Variants in RBMS1 observed in about 807,000 individuals in gnomAD.
RBMS1 encodes the protein RNA binding motif single stranded interacting protein 1.
Under a neutral mutation model 62.3 loss-of-function variants are expected in RBMS1, and 17 were observed. The ratio of observed to expected loss-of-function variants is 0.27; its 90% CI spans 0.19 to 0.41. The LOEUF (loss-of-function observed/expected upper bound fraction) is 0.41, where lower values mean the gene tolerates loss of function less well. RBMS1 is among the 10% of genes least tolerant of loss of function. The pLI is 1.00. For missense variants in RBMS1, 334 were observed against 504.5 expected, an observed-to-expected ratio of 0.66 and a Z score of 3.24; for synonymous variants, 172 against 170.0, an observed-to-expected ratio of 1.01 and a Z score of -0.09.
chr2:160,474,896 A>C (rs545940002), intron 1 of RBMS1, among the ~76,000 whole-genome samples: 3 of 152,350 alleles, frequency 2.0e-5, no homozygotes, highest in African/African-American at 7.2e-5. Context: ...CGTCGCAAGT[A>C]ATATATCGTA....
In RBMS1 at chr2:160,426,335, A is replaced by AAGGAAGGAAGGAAGGAAGGAAAGG. The variant is rs58658592; in HGVS notation, c.76-58945_76-58944insCCTTTCCTTCCTTCCTTCCTTCCT. 4.6e-4 allele frequency among the ~76,000 whole-genome samples: 43 copies of AAGGAAGGAAGGAAGGAAGGAAAGG among 93,270 alleles called. 3 individuals are homozygous for AAGGAAGGAAGGAAGGAAGGAAAGG. Among genetic ancestry groups the AAGGAAGGAAGGAAGGAAGGAAAGG allele is most frequent in the East Asian group, 1.7e-3 (5 of 2,918 alleles). The allele number at this position is 93,270 out of a possible 152,430, so 61.2% of individuals were successfully genotyped here. A position where few individuals can be genotyped will look rare whatever the true frequency, so the allele number is the denominator to read the frequency against. ...GAAGGAAGGAAGGAAGGAAGGAAGG[A>AAGGAAGGAAGGAAGGAAGGAAAGG]AAGGAAGGAAGGAAAGAGGGAAGGA... is the stretch of plus-strand genomic sequence containing the variant. On this transcript the variant is annotated intron_variant, in intron 1 of 13. Transcript: ENST00000348849.
chr2:160,407,272 G>C (rs1179862518), intron 1 of RBMS1, among the ~76,000 whole-genome samples: 1 of 152,098 alleles, frequency 6.6e-6, no homozygotes, highest in Non-Finnish European at 1.5e-5. Context: ...CACCCTGCCC[G>C]GCCCGGGCGG....
chr2:160,341,222 G>T (rs751527201), intron 2 of RBMS1, among the ~76,000 whole-genome samples: 5 of 152,030 alleles, frequency 3.3e-5, no homozygotes, highest in Non-Finnish European at 5.9e-5. Context: ...AGCAAGATCT[G>T]CAATAAATGT....
Position 160,396,427 on chromosome 2 carries a change from A to G in RBMS1, c.76-29036T>C, listed in dbSNP as rs775616070. On this transcript the variant is annotated intron_variant, in intron 1 of 13. Transcript: ENST00000348849. ...AGACCCATATGTACTATCTCATTTA[A>G]TCCTCCAAACAACTCCACAAGGAAG... Among the ~76,000 whole-genome samples, 12 of 152,000 alleles carry G rather than the reference A, an allele frequency of 7.9e-5. 1 individual carries two copies. The highest frequency in any genetic ancestry group is 1.5e-5 in the Non-Finnish European group (1 of 67,996).
At chr2:160,481,703 A>G (rs1685380019) in intron 1 of RBMS1, among the ~76,000 whole-genome samples, 1 of 152,234 alleles carries the variant, frequency 6.6e-6, no homozygotes, top group Non-Finnish European at 1.5e-5. Context: ...AAAAATTTGC[A>G]AAAGACTTCT....
At chr2:160,280,914 T>C (rs932507005) in intron 10 of RBMS1, among the ~76,000 whole-genome samples, 9 of 152,188 alleles carry the variant, frequency 5.9e-5, no homozygotes, top group African/African-American at 2.2e-4. Context: ...ATAATCTCCA[T>C]AGAAAGGCCA....
At chr2:160,334,407 A>C (rs1474138962) in intron 2 of RBMS1, among the ~76,000 whole-genome samples, 1 of 152,222 alleles carries the variant, frequency 6.6e-6, no homozygotes, top group Non-Finnish European at 1.5e-5. Context: ...TATCTCATCC[A>C]AGCCTGCGGC....
chr2:160,477,247 C>T (rs1685181750), intron 1 of RBMS1, among the ~76,000 whole-genome samples: 1 of 151,830 alleles, frequency 6.6e-6, no homozygotes, highest in African/African-American at 2.4e-5. Context: ...CTTCGGAGGC[C>T]GATACAGGAG....
chr2:160,439,543 C>T (rs1220534146), intron 1 of RBMS1, among the ~76,000 whole-genome samples: 1 of 151,426 alleles, frequency 6.6e-6, no homozygotes, highest in Non-Finnish European at 1.5e-5. Context: ...GGATGGCGGC[C>T]GGGCAGAGAC....
At chr2:160,443,620 C>T (rs1175500305) in intron 1 of RBMS1, among the ~76,000 whole-genome samples, 1 of 152,026 alleles carries the variant, frequency 6.6e-6, no homozygotes, top group African/African-American at 2.4e-5. Context: ...TCTGGCTTTG[C>T]CTTCTGTCAC....
rs375271648 is a variant in RBMS1, at chr2:160,361,451, T to C, written c.251+5765A>G. ...TAATCAGGGGTGGGTAGCATGTGGC[T>C]GCAACAATTCTTCTGCAAACACAGG... On this transcript the variant is annotated intron_variant, in intron 2 of 13. Coordinates refer to ENST00000348849, the MANE Select transcript of RBMS1 (RefSeq NM_016836.4). 6.6e-5 allele frequency among the ~76,000 whole-genome samples: 10 copies of C among 152,372 alleles called. No homozygotes were observed. In the East Asian group the frequency reaches 7.7e-4, roughly 12 times the overall value.
chr2:160,462,796 C>G (rs1331384924), intron 1 of RBMS1, among the ~76,000 whole-genome samples: 3 of 152,128 alleles, frequency 2.0e-5, no homozygotes, highest in East Asian at 3.9e-4. Flanking sequence ...GGGGTTTTAC[C>G]ATGTTGGCCA....
At chr2:160,324,901 TATATATACACACACAC>T (rs1690823321) in intron 2 of RBMS1, among the ~76,000 whole-genome samples, 1 of 118,764 alleles carries the variant, frequency 8.4e-6, no homozygotes, top group African/African-American at 3.5e-5. Flanking sequence ...TATATATATA[TATATATACACACACAC>T]ACACACACAC....
chr2:160,377,947 AGAT>A (rs1319451283), intron 1 of RBMS1, among the ~76,000 whole-genome samples: 1 of 152,228 alleles, frequency 6.6e-6, no homozygotes, highest in East Asian at 1.9e-4. Context: ...ATTGCAGCAA[AGAT>A]GATGGTACAG....
intron 10 of RBMS1, chr2:160,279,346 A>T (rs1687990735): frequency 6.6e-6 from 1 of 151,804 alleles, no homozygotes; most frequent in African/African-American, 2.4e-5. Flanking sequence ...AAATATATTT[A>T]GGAAAATAGG....
At chr2:160,429,297 A>C (rs1389374669) in intron 1 of RBMS1, among the ~76,000 whole-genome samples, 1 of 152,212 alleles carries the variant, frequency 6.6e-6, no homozygotes, top group African/African-American at 2.4e-5. Flanking sequence ...AAGAGATTAA[A>C]GGACCCACCA....
At chr2:160,348,579 G>A (rs1323159122) in intron 2 of RBMS1, among the ~76,000 whole-genome samples, 2 of 152,116 alleles carry the variant, frequency 1.3e-5, no homozygotes, top group Non-Finnish European at 2.9e-5. Context: ...TCTCATTGAT[G>A]GCTGAGCCTG....
At chr2:160,491,970 T>C (rs1368968957) in intron 1 of RBMS1, among the ~76,000 whole-genome samples, 1 of 152,224 alleles carries the variant, frequency 6.6e-6, no homozygotes, top group Non-Finnish European at 1.5e-5. Context: ...AGGACATTTC[T>C]GGTCTCGAAA....
At chr2:160,306,073 G>T (rs769345376) in intron 4 of RBMS1, among the ~76,000 whole-genome samples, 1 of 152,110 alleles carries the variant, frequency 6.6e-6, no homozygotes, top group Non-Finnish European at 1.5e-5. Flanking sequence ...AGGTTGTAAT[G>T]AGTTGTGATC....
Sources: allele counts gnomAD v4.1 joint callset (sites outside exome capture counted in the v4.1 genomes callset), GRCh38; gene constraint gnomAD v4.1.1; transcripts MANE v1.5; gene names NCBI Gene and HGNC (gene_info 2026-07-23, HGNC 2026-07-21).